Variants in FAP observed in about 807,000 individuals in gnomAD.
FAP encodes prolyl endopeptidase FAP.
A neutral mutation model predicts 126.5 loss-of-function variants in FAP; 110 were observed. The observed-to-expected ratio is 0.87, with a 90% CI of 0.74 to 1.02. FAP has a LOEUF of 1.02. Among genes scored for constraint, FAP ranks in the 50% least tolerant of loss-of-function variants. The pLI, the probability that FAP is intolerant of heterozygous loss-of-function variation, is 0.00. For synonymous variants in FAP, 334 were observed against 297.3 expected (o/e 1.12, Z -1.27); for missense variants, 919 against 909.2 (o/e 1.01, Z -0.14).
In FAP at chr2:162,242,879, AG is replaced by A. The variant is rs770865007; in HGVS notation, c.91+28del. 3.0e-5 allele frequency: 47 copies of A among 1,553,812 alleles called. No individual in the cohort carries two copies. In the African/African-American group the frequency reaches 6.0e-4, roughly 20 times the overall value. ...GTACATTTTCCAAGCTATTCTAGGC[AG>A]ATAGAGCAAATCAGAGAAAGTTCTT... On this transcript the variant is annotated intron_variant, in intron 2 of 25. Transcript: ENST00000188790.
chr2:162,185,718 G>C (rs1320867881), intron 20 of FAP, among the ~76,000 whole-genome samples: 1 of 152,084 alleles, frequency 6.6e-6, no homozygotes, highest in Non-Finnish European at 1.5e-5. Flanking sequence ...AGCTTAGCCA[G>C]ATTGCATTTT....
At chr2:162,206,380 A>T (rs533450133) in intron 12 of FAP, among the ~76,000 whole-genome samples, 1 of 152,358 alleles carries the variant, frequency 6.6e-6, no homozygotes, top group East Asian at 1.9e-4. Flanking sequence ...AAAGCCATTT[A>T]AAATATTTTA....
At chr2:162,176,659 C>T (rs185752940) in intron 21 of FAP, 1 of 152,142 alleles carries the variant, frequency 6.6e-6, no homozygotes, top group East Asian at 1.9e-4. Flanking sequence ...AAGCCAGAGA[C>T]CTTTAGAAAA....
rs1689225569 is a variant in FAP, at chr2:162,218,100, A to T, written c.648T>A (p.Pro216=). 3 of 1,609,928 alleles carry T rather than the reference A, an allele frequency of 1.9e-6. No homozygotes were observed. The highest frequency in any genetic ancestry group is 3.3e-4 in the Middle Eastern group (2 of 6,046). ...CCGCATATGCCAAAAATTTTCCATT[A>T]GGAGACCACCAGAGAGCATATTTTG... ...LATKYALWWS[P]NGKFLAYAEF... The change falls in exon 9 of 26, where the codon CCT becomes CCA. Residue 216 remains proline, a synonymous_variant. Coordinates refer to ENST00000188790, the MANE Select transcript of FAP (RefSeq NM_004460.5).
chr2:162,197,505 A>G (rs948023163), intron 16 of FAP: 100 of 455,846 alleles, frequency 2.2e-4, no homozygotes, highest in Admixed American at 2.1e-4. Flanking sequence ...CATGAACAAC[A>G]ATCTCTTGAC....
At chr2:162,229,334 G>C (rs993940767) in intron 2 of FAP, among the ~76,000 whole-genome samples, 7 of 152,052 alleles carry the variant, frequency 4.6e-5, no homozygotes, top group Non-Finnish European at 1.5e-5. Context: ...TCAAATAAAT[G>C]TTTTAGATCA....
intron 24 of FAP, 47 bp downstream of exon 24, chr2:162,173,102 A>C (rs889892392): frequency 6.5e-7 from 1 of 1,530,678 alleles, no homozygotes; most frequent in African/African-American, 1.4e-5. Context: ...AAACAAAGTG[A>C]TGCTGGCTCA....
chr2:162,177,556 C>T lies in FAP; in HGVS notation c.1870-2590G>A, dbSNP rs1212460660. 2.6e-5 allele frequency among the ~76,000 whole-genome samples: 4 copies of T among 152,276 alleles called. No homozygotes were observed. In the East Asian group the frequency reaches 7.7e-4, roughly 29 times the overall value. On this transcript the variant is annotated intron_variant, in intron 21 of 25. Transcript: ENST00000188790. ...TCTTTCCACAGACACTGGCATGCCT[C>T]ACTTCCTCTCCTCTTCAAAGTCAAA...
chr2:162,198,959 A>C lies in FAP; in HGVS notation c.1278-78T>G. ...AAAATGTACTACTCCATGTAAAGTG[A>C]CTAATTTACATATTGACATCAAACC... On this transcript the variant is annotated intron_variant, in intron 15 of 25. Transcript: ENST00000188790. 2.4e-6 allele frequency: 3 copies of C among 1,236,168 alleles called. No homozygotes were observed. In the South Asian group the frequency reaches 3.9e-5, roughly 16 times the overall value. 76.6% of individuals were successfully genotyped at this position (1,236,168 alleles called of 1,614,324 possible).
At chr2:162,171,949 A>G (rs1687318855) in intron 25 of FAP, 1 of 152,102 alleles carries the variant, frequency 6.6e-6, no homozygotes, top group Non-Finnish European at 1.5e-5. Context: ...GCTATTTTGA[A>G]TTATACAATC....
At chr2:162,171,288 A>T (rs1259042922) in intron 25 of FAP, 3 of 470,522 alleles carry the variant, frequency 6.4e-6, no homozygotes, top group African/African-American at 5.8e-5. Flanking sequence ...CATGCTTTAA[A>T]CATATTTTAG....
At chr2:162,208,012 C>T (rs1409930574) in intron 12 of FAP, among the ~76,000 whole-genome samples, 2 of 151,252 alleles carry the variant, frequency 1.3e-5, no homozygotes, top group Non-Finnish European at 2.9e-5. Flanking sequence ...AATCCCAACT[C>T]TTTGGGAGGC....
At chr2:162,237,773 C>T (rs1237232305) in intron 2 of FAP, among the ~76,000 whole-genome samples, 1 of 152,076 alleles carries the variant, frequency 6.6e-6, no homozygotes, top group African/African-American at 2.4e-5. Flanking sequence ...TGAGGAATCA[C>T]AAGGATTCCA....
chr2:162,243,162 T>A lies in FAP; in HGVS notation c.6+160A>T. On this transcript the variant is annotated intron_variant, in intron 1 of 25. Transcript: ENST00000188790. ...ATTCTTCCAGCTCTGCAAGGACAAA[T>A]GTTTCTACAGTATATTTAGAACAAT... 6 of 793,806 alleles carry A rather than the reference T, an allele frequency of 7.6e-6. 1 individual carries two copies. In the South Asian group the frequency reaches 1.0e-4, roughly 14 times the overall value. 49.2% of individuals were successfully genotyped at this position (793,806 alleles called of 1,614,324 possible).
chr2:162,198,581 G>C, intron 16 of FAP, 176 bp downstream of exon 16: 1 of 905,772 alleles, frequency 1.1e-6, no homozygotes, highest in Non-Finnish European at 1.6e-6. Context: ...TTGCAAAAAA[G>C]TAAAGATAAT....
chr2:162,225,902 A>G (rs1256923626), intron 3 of FAP, among the ~76,000 whole-genome samples: 3 of 152,214 alleles, frequency 2.0e-5, no homozygotes, highest in Non-Finnish European at 4.4e-5. Context: ...AGTAATAAAC[A>G]TAAATTACAT....
intron 2 of FAP, among the ~76,000 whole-genome samples, chr2:162,237,480 TG>T (rs1294836993): frequency 2.0e-5 from 3 of 152,228 alleles, no homozygotes; most frequent in African/African-American, 7.2e-5. Context: ...TTCGGTTTTC[TG>T]TTTCTGTGTT....
Position 162,213,947 on chromosome 2 carries a change from A to T in FAP, c.993T>A (p.Asp331Glu). ...TCTTAATATACCCTACCTTTGGACA[A>T]TCCCATGTCTGCCAGTCTTCCCTGA... ...CDFREDWQTW[D>E]CPKTQEHIEE... Residue 331 changes from aspartate to glutamate, a missense_variant, in exon 11 of 26, where the codon GAT (aspartate) becomes GAA (glutamate). Transcript: ENST00000188790. 1 of 1,613,396 alleles carries T rather than the reference A, an allele frequency of 6.2e-7. No homozygotes were observed. The highest frequency in any genetic ancestry group is 8.5e-7 in the Non-Finnish European group (1 of 1,179,596).
intron 16 of FAP, among the ~76,000 whole-genome samples, chr2:162,195,218 T>C (rs1021272164): frequency 6.6e-6 from 1 of 152,228 alleles, no homozygotes; most frequent in African/African-American, 2.4e-5. Context: ...GAATAATACA[T>C]GCAGAAATCT....
Sources: gnomAD v4.1 joint callset for allele counts (sites outside exome capture counted in the v4.1 genomes callset) on GRCh38, gnomAD v4.1.1 for gene constraint, MANE v1.5 for transcripts, NCBI Gene and HGNC (gene_info 2026-07-23, HGNC 2026-07-21) for gene names.